The following CHD9 variants were observed in gnomAD, a reference collection of about 807,000 sequenced individuals.
CHD9 encodes the protein ATP-dependent chromatin remodeler CHD9.
A neutral mutation model predicts 316.1 loss-of-function variants in CHD9; 77 were observed. That is an observed-to-expected ratio of 0.24 (90% confidence interval 0.20 to 0.29). The LOEUF (loss-of-function observed/expected upper bound fraction) is 0.29, where lower values mean the gene tolerates loss of function less well. Ranked by LOEUF, CHD9 falls within the 10% of genes least tolerant of loss-of-function variation. The probability of loss-of-function intolerance (pLI) is 1.00; values close to 1 mark genes in which losing one functional copy is unlikely to be tolerated. For synonymous variants in CHD9, 1,129 were observed against 1,158.3 expected, an observed-to-expected ratio of 0.97 and a Z score of 0.51; for missense variants, 2,763 against 3,438.1, an observed-to-expected ratio of 0.80 and a Z score of 4.91.
intron 1 of CHD9, among the ~76,000 whole-genome samples, chr16:53,110,726 C>T (rs1270016743): frequency 6.6e-6 from 1 of 152,062 alleles, no homozygotes; most frequent in Non-Finnish European, 1.5e-5. Flanking sequence ...TGAGCAACTG[C>T]ACTCCAGCCT....
intron 1 of CHD9, among the ~76,000 whole-genome samples, chr16:53,058,544 C>T (rs906116725): frequency 6.6e-6 from 1 of 152,204 alleles, no homozygotes; most frequent in African/African-American, 2.4e-5. Context: ...TAGCCAAGAG[C>T]TTGGCAAGGC....
At chr16:53,091,001 A>AC (rs5816887) in intron 1 of CHD9, among the ~76,000 whole-genome samples, 37,617 of 146,726 alleles carry the variant, frequency 0.26, 5,703 homozygotes, top group Non-Finnish European at 0.35. Flanking sequence ...GGAACAGCTC[A>AC]CCCCCCCCCG....
At position 53,321,610 on chromosome 16, in the gene CHD9, G is replaced by A; in HGVS notation, c.7798G>A (p.Gly2600Arg). 2 of 1,523,560 alleles carry A rather than the reference G, an allele frequency of 1.3e-6. No individual in the cohort carries two copies. Among genetic ancestry groups the A allele is most frequent in the Middle Eastern group, 1.8e-4 (1 of 5,528 alleles). The allele number at this position is 1,523,560 out of a possible 1,614,324, so 94.4% of individuals were successfully genotyped here. ...AGAATATGGAGTAGCTCCTGAATGG[G>A]GAGATGTTGTTAAGCAATCTGTGAG... ...NSEYGVAPEW[G>R]DVVKQSGFLP... The change falls in exon 38 of 39, where the codon GGA becomes AGA. Residue 2600 changes from glycine (G) to arginine (R), a missense_variant. Gly to Arg is a moderately radical substitution (Grantham distance 125, BLOSUM62 -2). Around this residue, in one of 15 missense-constraint regions of CHD9, gnomAD observed 298 missense variants for 380.2 expected, o/e 0.78. Transcript: ENST00000447540.
chr16:53,172,458 A>G (rs889163548), intron 2 of CHD9, among the ~76,000 whole-genome samples: 6 of 152,214 alleles, frequency 3.9e-5, no homozygotes, highest in East Asian at 1.9e-4. Context: ...GTTTGGGGTT[A>G]TTATCAATGA....
Position 53,070,489 on chromosome 16 carries a change from T to C in CHD9, c.-165+15412T>C, listed in dbSNP as rs150628048. ...TAGCATGTCTTTCTTTCTTTCTTTCTTTCCTTCCTTCCTTCCTTCCTTCCT... is the reference window on the plus strand; with the variant it reads ...TAGCATGTCTTTCTTTCTTTCTTTCCTTCCTTCCTTCCTTCCTTCCTTCCT... On this transcript the variant is annotated intron_variant, in intron 1 of 38. Coordinates refer to ENST00000447540, the MANE Select transcript of CHD9 (RefSeq NM_001308319.2). Among the ~76,000 whole-genome samples the C allele has an allele frequency of 7.6e-3, 1,104 of 144,810 alleles. 15 individuals are homozygous for C. The highest frequency in any genetic ancestry group is 0.021 in the African/African-American group (784 of 37,624).
At position 53,209,753 on chromosome 16, in the gene CHD9, A is replaced by G. The variant is rs756903772; in HGVS notation, c.1724A>G (p.Lys575Arg). The G allele has an allele frequency of 8.1e-6, 13 of 1,613,164 alleles. No individual in the cohort carries two copies. In the South Asian group the frequency reaches 1.4e-4, roughly 18 times the overall value. ...KKGRRMKSKP[K>R]DKDSKKTKTC... ...GGTAGAAGGATGAAATCCAAGCCAAAGGACAAAGACAGCAAAAAAACAAAA... is the reference window on the plus strand; with the variant it reads ...GGTAGAAGGATGAAATCCAAGCCAAGGGACAAAGACAGCAAAAAAACAAAA... Residue 575 changes from lysine to arginine, a missense_variant, in exon 3 of 39, where the codon AAG becomes AGG. Around this residue, in one of 15 missense-constraint regions of CHD9, gnomAD observed 859 missense variants for 890.4 expected, o/e 0.96. Coordinates refer to ENST00000447540, the MANE Select transcript of CHD9 (RefSeq NM_001308319.2).
At chr16:53,272,632 A>T (rs913854217) in intron 22 of CHD9, among the ~76,000 whole-genome samples, 1 of 152,218 alleles carries the variant, frequency 6.6e-6, no homozygotes, top group East Asian at 1.9e-4. Flanking sequence ...GAGCCTCATG[A>T]GTCAACCAGG....
chr16:53,076,434 G>A (rs1014253811), intron 1 of CHD9, among the ~76,000 whole-genome samples: 5 of 152,050 alleles, frequency 3.3e-5, no homozygotes, highest in Admixed American at 6.6e-5. Context: ...AATTAGTCAG[G>A]CATGGTGGCA....
In CHD9 at chr16:53,231,477, C is replaced by G. The variant is rs2048168498; in HGVS notation, c.2345C>G (p.Ser782Cys). The G allele has an allele frequency of 6.3e-7, 1 of 1,599,538 alleles. No individual in the cohort carries two copies. Residue 782 changes from serine to cysteine, a missense_variant, in exon 9 of 39, where the codon TCT becomes TGT. This residue lies in a region of CHD9 where 186 missense variants were observed against 245.0 expected (regional missense o/e 0.76). Coordinates refer to ENST00000447540, the MANE Select transcript of CHD9 (RefSeq NM_001308319.2). ...YVEVDRVLEV[S>C]FCEDKDTGEP... ...GAAGTAGACAGAGTATTAGAAGTCT[C>G]TTTTTGTGAAGATAAGGATACTGGT...
rs374283092 is a variant in CHD9, at chr16:53,213,706, A to G, written c.1784+3893A>G. On this transcript the variant is annotated intron_variant, in intron 3 of 38. Coordinates refer to ENST00000447540, the MANE Select transcript of CHD9 (RefSeq NM_001308319.2). ...AGATTATCGAATGGGATTTCACATG[A>G]TTCGATAGAAGTATTTTTAAACCTA... Among the ~76,000 whole-genome samples, 11 of 152,334 alleles carry G rather than the reference A, an allele frequency of 7.2e-5. 1 individual carries two copies. In the East Asian group the frequency reaches 1.9e-3, roughly 27 times the overall value.
chr16:53,171,138 G>A (rs544344271), intron 2 of CHD9, among the ~76,000 whole-genome samples: 12 of 152,206 alleles, frequency 7.9e-5, no homozygotes, highest in Admixed American at 5.2e-4. Context: ...GGCCAGGTGC[G>A]GTGGCTCACA....
rs183130380 is a variant in CHD9 at position 53,288,063 on chromosome 16, G to A, written c.5247+49G>A. The A allele has an allele frequency of 4.1e-5, 55 of 1,342,308 alleles. No individual in the cohort carries two copies. In the Admixed American group the frequency reaches 9.3e-4, roughly 23 times the overall value. The allele number at this position is 1,342,308 out of a possible 1,614,324, so 83.1% of individuals were successfully genotyped here. On this transcript the variant is annotated intron_variant, in intron 27 of 38. Coordinates refer to ENST00000447540, the MANE Select transcript of CHD9 (RefSeq NM_001308319.2). ...AATCCTCAATTTTAGGTATTCTTTG[G>A]TTTCTTGTGTTTGCTTTTTCTTTTG...
At chr16:53,178,612 G>T (rs553252188) in intron 2 of CHD9, among the ~76,000 whole-genome samples, 2 of 151,850 alleles carry the variant, frequency 1.3e-5, no homozygotes, top group Non-Finnish European at 2.9e-5. Context: ...GGGCGTGGTG[G>T]CATGCCTGGC....
chr16:53,118,886 G>A (rs1303722233), intron 1 of CHD9, among the ~76,000 whole-genome samples: 1 of 146,618 alleles, frequency 6.8e-6, no homozygotes, highest in African/African-American at 2.5e-5. Flanking sequence ...TTCACCTCCC[G>A]GGTTCAAGCA....
intron 22 of CHD9, among the ~76,000 whole-genome samples, chr16:53,269,825 C>T (rs1031882110): frequency 2.6e-5 from 4 of 152,136 alleles, no homozygotes; most frequent in Admixed American, 2.6e-4. Context: ...CTATCACAAC[C>T]TTCAGCGTGT....
intron 1 of CHD9, among the ~76,000 whole-genome samples, chr16:53,126,804 G>A (rs376159311): frequency 2.6e-4 from 39 of 151,306 alleles, no homozygotes; most frequent in South Asian, 8.3e-4. Flanking sequence ...TCAGCCTCCC[G>A]AGTAGCTAGG....
chr16:53,121,225 A>G (rs1297080198), intron 1 of CHD9: 2 of 398,290 alleles, frequency 5.0e-6, no homozygotes, highest in Non-Finnish European at 1.0e-5. Flanking sequence ...ATCCCCTTTA[A>G]ATACTTGCTG....
intron 15 of CHD9, among the ~76,000 whole-genome samples, chr16:53,246,811 A>G (rs950945140): frequency 6.6e-6 from 1 of 152,156 alleles, no homozygotes; most frequent in Non-Finnish European, 1.5e-5. Context: ...GGCACGAGCC[A>G]CTGCACCTAG....
intron 2 of CHD9, among the ~76,000 whole-genome samples, chr16:53,188,482 T>G (rs968992620): frequency 6.6e-6 from 1 of 151,900 alleles, no homozygotes; most frequent in African/African-American, 2.4e-5. Context: ...TGCCTGTTTT[T>G]ATGTCTTTTT....
Sources: gnomAD v4.1 joint callset for allele counts (sites outside exome capture counted in the v4.1 genomes callset) on GRCh38, gnomAD v4.1.1 for gene constraint, gnomAD v4.1.1 regional missense constraint, MANE v1.5 for transcripts, NCBI Gene and HGNC (gene_info 2026-07-23, HGNC 2026-07-21) for gene names.